Variants in PPP1R1C observed in about 807,000 individuals in gnomAD.
PPP1R1C encodes the protein protein phosphatase 1 regulatory inhibitor subunit 1C, also known as protein phosphatase 1 regulatory subunit 1C.
A neutral mutation model predicts 17.4 loss-of-function variants in PPP1R1C; 15 were observed. The ratio of observed to expected loss-of-function variants is 0.86; its 90% CI spans 0.58 to 1.33. The LOEUF is 1.33. Ranked by LOEUF, PPP1R1C falls within the 40% of genes most tolerant of loss-of-function variation. The pLI is 0.00. For missense variants in PPP1R1C, 143 were observed against 130.0 expected, an observed-to-expected ratio of 1.10 and a Z score of -0.48; for synonymous variants, 35 against 43.1, an observed-to-expected ratio of 0.81 and a Z score of 0.73.
upstream of PPP1R1C, chr2:181,954,520 G>A (rs190157715): frequency 2.3e-4 from 35 of 152,178 alleles, no homozygotes; most frequent in African/African-American, 7.2e-4. Context: ...TTTGGCCTAA[G>A]GACACAGTGA....
intron 4 of PPP1R1C, among the ~76,000 whole-genome samples, chr2:182,069,978 G>T (rs1462534835): frequency 6.6e-6 from 1 of 152,318 alleles, no homozygotes. Context: ...TTAAAGTGGG[G>T]TGGATGCAGA....
Position 181,985,989 on chromosome 2 carries a change from C to A in PPP1R1C, c.-122C>A. 1 of 753,994 alleles carries A rather than the reference C, an allele frequency of 1.3e-6. No homozygotes were observed. Among genetic ancestry groups the A allele is most frequent in the Non-Finnish European group, 2.3e-6 (1 of 431,234 alleles). The allele number at this position is 753,994 out of a possible 1,614,324, so 46.7% of individuals were successfully genotyped here. On this transcript the variant is annotated 5_prime_UTR_variant, in exon 1 of 5. Transcript: ENST00000682840. The surrounding 1 kb of genome is among the most constrained non-coding windows in gnomAD (Gnocchi z 4.1). ...TCACTTGCTCGATCTGGAATTACAG[C>A]TATTTATTACGAAGCACTCTGTGTG...
intron 1 of PPP1R1C, among the ~76,000 whole-genome samples, chr2:181,963,463 A>AC (rs1322187524): frequency 2.0e-5 from 3 of 151,940 alleles, no homozygotes. Flanking sequence ...ACATGGTGAA[A>AC]CCCCCTCTCT....
intron 2 of PPP1R1C, among the ~76,000 whole-genome samples, chr2:182,002,927 A>ACCCCCCCCCCCCCC (rs200353111): frequency 2.2e-5 from 2 of 90,966 alleles, no homozygotes; most frequent in Non-Finnish European, 4.5e-5. Flanking sequence ...GATGCCATAA[A>ACCCCCCCCCCCCCC]CCTCCCCCCC....
chr2:182,039,778 A>G lies in PPP1R1C; in HGVS notation c.143-21664A>G, dbSNP rs1196144. 5.1e-3 allele frequency among the ~76,000 whole-genome samples: 782 copies of G among 152,238 alleles called. 6 individuals are homozygous for G. Among genetic ancestry groups the G allele is most frequent in the African/African-American group, 0.018 (744 of 41,526 alleles). On this transcript the variant is annotated intron_variant, in intron 2 of 4. Coordinates refer to ENST00000682840, the MANE Select transcript of PPP1R1C (RefSeq NM_001080545.3). ...CTAAGTAGTGTATATTGTACCCAAT[A>G]TGTAGTTTTTAATCCTTCACCCCCC...
At chr2:182,055,814 T>C (rs16822446) in intron 2 of PPP1R1C, among the ~76,000 whole-genome samples, 6,485 of 152,310 alleles carry the variant, frequency 0.043, 475 homozygotes, top group African/African-American at 0.15. Context: ...GTTTTCAAAT[T>C]GCTCTGATGT....
chr2:182,102,872 G>T (rs1479669913), intron 4 of PPP1R1C, among the ~76,000 whole-genome samples: 3 of 151,854 alleles, frequency 2.0e-5, no homozygotes, highest in Non-Finnish European at 1.5e-5. Context: ...GAGTGCAGTG[G>T]TGCACCATCA....
intron 5 of PPP1R1C, among the ~76,000 whole-genome samples, chr2:182,127,805 C>T (rs759519359): frequency 1.6e-4 from 24 of 151,994 alleles, no homozygotes; most frequent in African/African-American, 4.6e-4. Flanking sequence ...ATTTGTTGAA[C>T]GTTCAGCAGT....
intron 4 of PPP1R1C, among the ~76,000 whole-genome samples, chr2:182,085,316 T>C (rs968976361): frequency 6.6e-6 from 1 of 152,104 alleles, no homozygotes; most frequent in Non-Finnish European, 1.5e-5. Context: ...TTTTCTTATC[T>C]ATTTTACTTT....
intron 4 of PPP1R1C, among the ~76,000 whole-genome samples, chr2:182,067,212 A>G (rs1165411661): frequency 6.6e-6 from 1 of 152,076 alleles, no homozygotes; most frequent in Non-Finnish European, 1.5e-5. Flanking sequence ...GATTTCTTGT[A>G]AAGACTTCAG....
intron 2 of PPP1R1C, among the ~76,000 whole-genome samples, chr2:182,015,561 T>C (rs945388201): frequency 6.6e-6 from 1 of 152,136 alleles, no homozygotes; most frequent in Non-Finnish European, 1.5e-5. Flanking sequence ...CTAAGGCCCA[T>C]GGTGAATACT....
intron 1 of PPP1R1C, among the ~76,000 whole-genome samples, chr2:181,955,216 T>A (rs1684650922): frequency 6.6e-6 from 1 of 152,224 alleles, no homozygotes; most frequent in African/African-American, 2.4e-5. Context: ...GATGGAAACT[T>A]GATATTTGAA....
At chr2:182,046,662 C>T (rs1687356380) in intron 2 of PPP1R1C, among the ~76,000 whole-genome samples, 1 of 151,698 alleles carries the variant, frequency 6.6e-6, no homozygotes, top group Admixed American at 6.6e-5. Context: ...TCACTTGAAC[C>T]CAGGAGGTGG....
chr2:182,034,399 G>A (rs985756), intron 2 of PPP1R1C, among the ~76,000 whole-genome samples: 6,808 of 152,016 alleles, frequency 0.045, 247 homozygotes, highest in Non-Finnish European at 0.069. Context: ...GAGATAGAGT[G>A]TATATTTTTT....
chr2:182,076,890 G>A (rs938307219), intron 4 of PPP1R1C, among the ~76,000 whole-genome samples: 1 of 152,132 alleles, frequency 6.6e-6, no homozygotes, highest in Non-Finnish European at 1.5e-5. Flanking sequence ...CCTATCTGAT[G>A]TTGATCCCTG....
chr2:182,045,775 C>A (rs1208903040), intron 2 of PPP1R1C, among the ~76,000 whole-genome samples: 1 of 152,002 alleles, frequency 6.6e-6, no homozygotes, highest in African/African-American at 2.4e-5. Context: ...ATAAATGATT[C>A]ATCCATGCAA....
At chr2:182,066,257 A>G (rs1687979505) in intron 4 of PPP1R1C, among the ~76,000 whole-genome samples, 1 of 152,128 alleles carries the variant, frequency 6.6e-6, no homozygotes, top group Non-Finnish European at 1.5e-5. Context: ...ATCAGAAACT[A>G]ATACAGTACT....
intron 1 of PPP1R1C, among the ~76,000 whole-genome samples, chr2:181,965,366 T>C (rs1224735409): frequency 6.6e-6 from 1 of 152,210 alleles, no homozygotes; most frequent in African/African-American, 2.4e-5. Flanking sequence ...TCAAGAAATC[T>C]TTGCCCACTC....
intron 2 of PPP1R1C, among the ~76,000 whole-genome samples, chr2:182,024,454 C>G (rs1474145652): frequency 6.6e-6 from 1 of 151,526 alleles, no homozygotes; most frequent in African/African-American, 2.4e-5. Flanking sequence ...AAATAATATT[C>G]TCTATTTTTT....
Sources: allele counts gnomAD v4.1 joint callset (sites outside exome capture counted in the v4.1 genomes callset), GRCh38; gene constraint gnomAD v4.1.1; non-coding constraint Gnocchi (gnomAD v3.1); transcripts MANE v1.5; gene names NCBI Gene and HGNC (gene_info 2026-07-23, HGNC 2026-07-21).